The following TSHR variants were observed in gnomAD, a reference collection of about 807,000 sequenced individuals.
The protein encoded by TSHR is thyroid stimulating hormone receptor.
In TSHR, 51 loss-of-function variants were observed where a neutral mutation model predicts 64.1. That is an observed-to-expected ratio of 0.80 (90% confidence interval 0.64 to 1.01). TSHR has a LOEUF of 1.01. Among genes scored for constraint, TSHR ranks in the 50% least tolerant of loss-of-function variants. The pLI, the probability that TSHR is intolerant of heterozygous loss-of-function variation, is 0.00. For missense variants in TSHR, 877 were observed against 942.8 expected (o/e 0.93, Z 0.91); for synonymous variants, 361 against 361.9 (o/e 1.00, Z 0.03).
intron 1 of TSHR, chr14:81,001,631 C>G: frequency 1.9e-6 from 1 of 521,798 alleles, no homozygotes; most frequent in Non-Finnish European, 3.8e-6. Flanking sequence ...ATGGTACACA[C>G]TGTTTCTGTG....
At chr14:80,993,375 TC>T (rs1888844699) in intron 1 of TSHR, 1 of 146,650 alleles carries the variant, frequency 6.8e-6, no homozygotes, top group Non-Finnish European at 1.5e-5. Flanking sequence ...AAATATTTTT[TC>T]ACAGATTGAT....
chr14:81,116,054 C>T (rs925533922), intron 8 of TSHR, among the ~76,000 whole-genome samples: 36 of 152,002 alleles, frequency 2.4e-4, no homozygotes, highest in East Asian at 1.2e-3. Context: ...AAGGAACAAC[C>T]GGTACCAGCC....
At chr14:81,096,770 C>A in intron 7 of TSHR, 63 bp downstream of exon 7, 1 of 1,536,018 alleles carries the variant, frequency 6.5e-7, no homozygotes, top group Non-Finnish European at 9.0e-7. Flanking sequence ...TCCAATGGGG[C>A]AGAATGCTGT....
intron 1 of TSHR, among the ~76,000 whole-genome samples, chr14:81,048,114 A>T (rs1334387398): frequency 6.6e-6 from 1 of 152,132 alleles, no homozygotes; most frequent in Non-Finnish European, 1.5e-5. Context: ...ATAAATGAGG[A>T]GGGTGGATAT....
At chr14:81,059,887 C>T (rs1026085548) in intron 1 of TSHR, among the ~76,000 whole-genome samples, 1 of 152,084 alleles carries the variant, frequency 6.6e-6, no homozygotes, top group Admixed American at 6.6e-5. Context: ...TTGTTCAGAA[C>T]TGTATGTGTG....
chr14:80,979,587 G>C (rs72693070), intron 1 of TSHR, among the ~76,000 whole-genome samples: 41,308 of 152,012 alleles, frequency 0.27, 6,514 homozygotes, highest in South Asian at 0.38. Flanking sequence ...ACTCTGATTT[G>C]ATCATTATAC....
At chr14:80,962,603 A>G (rs905353207) in intron 1 of TSHR, among the ~76,000 whole-genome samples, 2 of 152,216 alleles carry the variant, frequency 1.3e-5, no homozygotes, top group Admixed American at 6.5e-5. Context: ...CCAGGTAGAT[A>G]TGAATTTTGG....
rs1021398858 is a variant in TSHR at position 81,062,821 on chromosome 14, G to A, written c.242+602G>A. On this transcript the variant is annotated intron_variant, in intron 2 of 9. Coordinates refer to ENST00000298171, the MANE Select transcript of TSHR (RefSeq NM_000369.5). Reference sequence around the variant, plus strand: ...TATTTCATTTAATTGATTTTGACAGGCAATCCAGATAGTTCAGGCATGCGA... The same window carrying A: ...TATTTCATTTAATTGATTTTGACAGACAATCCAGATAGTTCAGGCATGCGA... Among the ~76,000 whole-genome samples, 5 of 152,104 alleles carry A rather than the reference G, an allele frequency of 3.3e-5. No individual in the cohort carries two copies. In the East Asian group the frequency reaches 9.6e-4, roughly 29 times the overall value.
intron 3 of TSHR, among the ~76,000 whole-genome samples, chr14:81,072,764 G>A (rs942711594): frequency 7.2e-5 from 10 of 138,132 alleles, no homozygotes; most frequent in Middle Eastern, 3.8e-3. Context: ...TTGGGAGGCC[G>A]AGGCGGGCGG....
chr14:81,059,176 A>T lies in TSHR; in HGVS notation c.171-2972A>T, dbSNP rs138600925. Among the ~76,000 whole-genome samples, 1,389 of 152,260 alleles carry T rather than the reference A, an allele frequency of 9.1e-3. 25 individuals are homozygous for T. The highest frequency in any genetic ancestry group is 0.032 in the African/African-American group (1,329 of 41,546). ...AGCAGATGCTCTCTAAATAAATATGATGTCTTTATTTAATTTCCTAGATGC... is the reference window on the plus strand; with the variant it reads ...AGCAGATGCTCTCTAAATAAATATGTTGTCTTTATTTAATTTCCTAGATGC... On this transcript the variant is annotated intron_variant, in intron 1 of 9. Transcript: ENST00000298171.
chr14:81,022,714 G>A (rs1054761603), intron 1 of TSHR, among the ~76,000 whole-genome samples: 1 of 152,064 alleles, frequency 6.6e-6, no homozygotes, highest in Non-Finnish European at 1.5e-5. Context: ...CCAGCTACTT[G>A]GGAGGCTGAG....
Position 81,087,754 on chromosome 14 carries a change from C to A in TSHR, c.318-200C>A, listed in dbSNP as rs1251685623. The A allele has an allele frequency of 7.9e-6, 5 of 630,224 alleles. No homozygotes were observed. The East Asian group carries it at 1.4e-4, about 18-fold the overall frequency. The allele number at this position is 630,224 out of a possible 1,614,324, so 39.0% of individuals were successfully genotyped here. A position where few individuals can be genotyped will look rare whatever the true frequency, so the allele number is the denominator to read the frequency against. On this transcript the variant is annotated intron_variant, in intron 3 of 9. Transcript: ENST00000298171. ...AAGCCAACAATGCAAAAGAGCTGAG[C>A]AGCCATTGGGTCCCCGTGAGGAGAC...
At chr14:81,037,427 ACAAACAAACAAAC>A (rs1884692593) in intron 1 of TSHR, among the ~76,000 whole-genome samples, 2 of 144,284 alleles carry the variant, frequency 1.4e-5, no homozygotes, top group Admixed American at 6.8e-5. Context: ...TACAAAACAA[ACAAACAAACAAAC>A]AAACAAAAAA....
At chr14:81,036,214 T>C (rs556198702) in intron 1 of TSHR, among the ~76,000 whole-genome samples, 2 of 152,304 alleles carry the variant, frequency 1.3e-5, no homozygotes, top group East Asian at 3.9e-4. Flanking sequence ...TTTGGAGAGA[T>C]ATGTACATCC....
intron 1 of TSHR, among the ~76,000 whole-genome samples, chr14:81,025,178 A>G (rs1304778680): frequency 6.6e-6 from 1 of 152,156 alleles, no homozygotes; most frequent in Non-Finnish European, 1.5e-5. Context: ...TTGGGTTTGA[A>G]AGTTTTGAGA....
At chr14:81,108,545 C>A (rs556923526) in intron 8 of TSHR, 93 bp downstream of exon 8, 2 of 1,592,532 alleles carry the variant, frequency 1.3e-6, no homozygotes, top group Non-Finnish European at 1.7e-6. Flanking sequence ...ATCTTATGTT[C>A]AAGGGTAGAA....
chr14:81,007,834 G>T (rs773789413), intron 1 of TSHR, among the ~76,000 whole-genome samples: 8 of 152,224 alleles, frequency 5.3e-5, no homozygotes, highest in Non-Finnish European at 7.3e-5. Context: ...ACAGAACAGG[G>T]TGAGAGAGCA....
chr14:81,088,803 C>T (rs1888487246), intron 4 of TSHR, among the ~76,000 whole-genome samples: 1 of 152,110 alleles, frequency 6.6e-6, no homozygotes, highest in Non-Finnish European at 1.5e-5. Context: ...TCATCTTCAT[C>T]CAGACCTTCA....
chr14:81,077,163 T>C (rs1887564947), intron 3 of TSHR, among the ~76,000 whole-genome samples: 1 of 152,204 alleles, frequency 6.6e-6, no homozygotes, highest in Non-Finnish European at 1.5e-5. Context: ...CCTTGAATGC[T>C]TTTTGGTTTA....
Sources: gnomAD v4.1 joint callset for allele counts (sites outside exome capture counted in the v4.1 genomes callset) on GRCh38, gnomAD v4.1.1 for gene constraint, MANE v1.5 for transcripts, NCBI Gene and HGNC (gene_info 2026-07-23, HGNC 2026-07-21) for gene names.